EOGT: variants seen among roughly 807,000 people sequenced by gnomAD.
EOGT encodes the protein EGF domain specific O-linked N-acetylglucosamine transferase.
Under a neutral mutation model 70.5 loss-of-function variants are expected in EOGT, and 55 were observed. The ratio of observed to expected loss-of-function variants is 0.78; its 90% CI spans 0.63 to 0.98. EOGT has a LOEUF of 0.98. EOGT is among the 50% of genes least tolerant of loss of function. The pLI, the probability that EOGT is intolerant of heterozygous loss-of-function variation, is 0.00. For synonymous variants in EOGT, 246 were observed against 217.1 expected (o/e 1.13, Z -1.17); for missense variants, 703 against 641.9 (o/e 1.10, Z -1.03).
At position 68,988,995 on chromosome 3, in the gene EOGT, A is replaced by G; in HGVS notation, c.854T>C (p.Leu285Pro). The G allele has an allele frequency of 6.5e-7, 1 of 1,530,094 alleles. No homozygotes were observed. Among genetic ancestry groups the G allele is most frequent in the Non-Finnish European group, 8.7e-7 (1 of 1,142,976 alleles). 94.8% of individuals were successfully genotyped at this position (1,530,094 alleles called of 1,614,324 possible). A position where few individuals can be genotyped will look rare whatever the true frequency, so the allele number is the denominator to read the frequency against. Residue 285 changes from leucine (L) to proline (P), a missense_variant, in exon 11 of 18, where the codon CTA becomes CCA. Transcript: ENST00000383701. ...WDTSSYGYGDLFSDTWNAFTD... is the reference protein window; with the variant it reads ...WDTSSYGYGDPFSDTWNAFTD... ...AAATGCATTCCATGTGTCGGAGAAT[A>G]GGTCACCATATCCGTAAGAACTCTG...
At chr3:68,990,770 CACT>C (rs2090972279) in intron 10 of EOGT, among the ~76,000 whole-genome samples, 1 of 152,046 alleles carries the variant, frequency 6.6e-6, no homozygotes, top group Admixed American at 6.5e-5. Context: ...TGCATTGTAG[CACT>C]ACATTCAAGC....
chr3:68,977,407 C>G lies in EOGT; in HGVS notation c.*211G>C. On this transcript the variant is annotated 3_prime_UTR_variant, in exon 18 of 18. Transcript: ENST00000383701. The stretch of plus-strand genomic sequence containing the variant: ...TTTGAACTATAAAAAGTTTTCAGTG[C>G]AAAATTATTGCTATTGATAAATAGC... 1 of 486,232 alleles carries G rather than the reference C, an allele frequency of 2.1e-6. No homozygotes were observed. Among genetic ancestry groups the G allele is most frequent in the Non-Finnish European group, 3.5e-6 (1 of 283,812 alleles). 30.1% of individuals were successfully genotyped at this position (486,232 alleles called of 1,614,324 possible). A position where few individuals can be genotyped will look rare whatever the true frequency, so the allele number is the denominator to read the frequency against.
chr3:69,011,100 C>A (rs2091562344), intron 3 of EOGT, among the ~76,000 whole-genome samples: 1 of 151,624 alleles, frequency 6.6e-6, no homozygotes, highest in Admixed American at 6.6e-5. Context: ...TCTAATTCAC[C>A]CAGTAAGTGT....
chr3:68,998,031 A>T lies in EOGT; in HGVS notation c.811T>A (p.Tyr271Asn), dbSNP rs147925370. Residue 271 changes from tyrosine to asparagine, a missense_variant, in exon 10 of 18, where the codon TAC (tyrosine) becomes AAC (asparagine). Physicochemically the swap from Tyr to Asn is moderately radical, Grantham distance 143. Coordinates refer to ENST00000383701, the MANE Select transcript of EOGT (RefSeq NM_001278689.2). Reference sequence around the variant, plus strand: ...CTTACGGTGTCCCACATCACGATGTACACGTCAGTACTGAATGAGTTATTA... The same window carrying T: ...CTTACGGTGTCCCACATCACGATGTTCACGTCAGTACTGAATGAGTTATTA... Reference protein sequence around the residue: ...HVNNSFSTDVYIVMWDTSSYG... With the variant: ...HVNNSFSTDVNIVMWDTSSYG... 20 of 1,570,330 alleles carry T rather than the reference A, an allele frequency of 1.3e-5. No homozygotes were observed. The highest frequency in any genetic ancestry group is 1.6e-5 in the Non-Finnish European group (19 of 1,154,916).
chr3:68,998,227 G>T (rs2091204632), intron 9 of EOGT, 113 bp from the exon 10 acceptor site: 3 of 644,384 alleles, frequency 4.7e-6, no homozygotes, highest in Non-Finnish European at 8.1e-6. Flanking sequence ...TAAATAAATG[G>T]GGAAAAAAAT....
At chr3:68,984,912 T>A (rs978848176) in intron 14 of EOGT, among the ~76,000 whole-genome samples, 11 of 152,284 alleles carry the variant, frequency 7.2e-5, no homozygotes, top group African/African-American at 2.6e-4. Flanking sequence ...AGTAGCACAC[T>A]CTGGCTAAGA....
In EOGT at chr3:68,985,672, G is replaced by C. The variant is rs578003275; in HGVS notation, c.1152+1773C>G. 4.6e-5 allele frequency among the ~76,000 whole-genome samples: 7 copies of C among 152,208 alleles called. No homozygotes were observed. In the South Asian group the frequency reaches 1.5e-3, roughly 32 times the overall value. On this transcript the variant is annotated intron_variant, in intron 14 of 17. Transcript: ENST00000383701. ...ATGTCATCTCTACTGTCATCACTTT[G>C]GCTAAACACTCTCCCCTGGGCCACA...
intron 14 of EOGT, 123 bp downstream of exon 14, chr3:68,987,322 A>T (rs2090839516): frequency 2.6e-6 from 2 of 762,648 alleles, no homozygotes; most frequent in Admixed American, 2.6e-5. Flanking sequence ...GGCATAGGCC[A>T]TCAAACTTTT....
At position 68,983,618 on chromosome 3, in the gene EOGT, T is replaced by C. The variant is rs548580751; in HGVS notation, c.1153-746A>G. Reference sequence around the variant, plus strand: ...TATCATTGATGGGGCATGTAAATGGTGCTGGCATTTCTAAGAGTGTCGTTA... The same window carrying C: ...TATCATTGATGGGGCATGTAAATGGCGCTGGCATTTCTAAGAGTGTCGTTA... On this transcript the variant is annotated intron_variant, in intron 14 of 17. Coordinates refer to ENST00000383701, the MANE Select transcript of EOGT (RefSeq NM_001278689.2). Among the ~76,000 whole-genome samples, 4 of 152,320 alleles carry C rather than the reference T, an allele frequency of 2.6e-5. No individual in the cohort carries two copies. In the South Asian group the frequency reaches 8.3e-4, roughly 32 times the overall value.
At chr3:69,008,331 A>G (rs920571485) in intron 5 of EOGT, 97 bp downstream of exon 5, 24 of 841,492 alleles carry the variant, frequency 2.9e-5, no homozygotes, top group Admixed American at 2.8e-4. Context: ...ATGAATTACT[A>G]TCTAAAACCA....
intron 14 of EOGT, 43 bp downstream of exon 14, chr3:68,987,402 G>T: frequency 4.8e-6 from 6 of 1,252,272 alleles, no homozygotes; most frequent in Non-Finnish European, 6.9e-6. Flanking sequence ...TTTGCTCTAT[G>T]AATTGAATAT....
chr3:69,005,476 T>C (rs2091416994), intron 6 of EOGT, among the ~76,000 whole-genome samples: 1 of 152,126 alleles, frequency 6.6e-6, no homozygotes, highest in Non-Finnish European at 1.5e-5. Flanking sequence ...CCCAACGATC[T>C]GTCACCTCAA....
chr3:68,990,629 C>T (rs549949672), intron 10 of EOGT, among the ~76,000 whole-genome samples: 111 of 152,202 alleles, frequency 7.3e-4, no homozygotes, highest in South Asian at 1.9e-3. Flanking sequence ...GCTGAGATTA[C>T]AGAAACCACA....
At chr3:68,980,448 G>C (rs1029606494) in intron 15 of EOGT, among the ~76,000 whole-genome samples, 2 of 152,164 alleles carry the variant, frequency 1.3e-5, no homozygotes, top group African/African-American at 4.8e-5. Context: ...ACACTAACCA[G>C]TGTGTAAACT....
intron 4 of EOGT, 66 bp downstream of exon 4, chr3:69,009,571 G>C (rs908215794): frequency 7.8e-7 from 1 of 1,281,196 alleles, no homozygotes; most frequent in African/African-American, 1.5e-5. Flanking sequence ...AGGTTATAAA[G>C]CAGAACCTGT....
chr3:68,977,568 G>C lies in EOGT; in HGVS notation c.*50C>G. 1 of 1,573,488 alleles carries C rather than the reference G, an allele frequency of 6.4e-7. No individual in the cohort carries two copies. Among genetic ancestry groups the C allele is most frequent in the Non-Finnish European group, 8.7e-7 (1 of 1,152,650 alleles). On this transcript the variant is annotated 3_prime_UTR_variant, in exon 18 of 18. Coordinates refer to ENST00000383701, the MANE Select transcript of EOGT (RefSeq NM_001278689.2). ...GCTTTACTGATTTAATTCTAAGTCT[G>C]GGTGTTGGAGTGTTTAAACACTCTC...
intron 15 of EOGT, among the ~76,000 whole-genome samples, chr3:68,982,439 G>C (rs2090674951): frequency 1.3e-5 from 2 of 152,128 alleles, no homozygotes; most frequent in South Asian, 2.1e-4. Context: ...AGAATTACTT[G>C]AACCCAGGAG....
rs114362165 is a variant in EOGT at position 68,983,462 on chromosome 3, A to C, written c.1153-590T>G. Among the ~76,000 whole-genome samples the C allele has an allele frequency of 5.1e-3, 776 of 152,350 alleles. 6 individuals carry two copies. The highest frequency in any genetic ancestry group is 0.018 in the African/African-American group (759 of 41,582). ...AAAGCATTGTTAATCTATTATCAAA[A>C]ATATAGTCATGGTTCTCTGTCCCTC... is the stretch of plus-strand genomic sequence containing the variant. On this transcript the variant is annotated intron_variant, in intron 14 of 17. Coordinates refer to ENST00000383701, the MANE Select transcript of EOGT (RefSeq NM_001278689.2).
intron 14 of EOGT, among the ~76,000 whole-genome samples, chr3:68,984,879 T>G (rs1484407759): frequency 6.6e-6 from 1 of 152,150 alleles, no homozygotes; most frequent in Non-Finnish European, 1.5e-5. Context: ...CTGCCTCCTC[T>G]GAAATCTATT....
Sources: allele counts gnomAD v4.1 joint callset (sites outside exome capture counted in the v4.1 genomes callset), GRCh38; gene constraint gnomAD v4.1.1; transcripts MANE v1.5; gene names NCBI Gene and HGNC (gene_info 2026-07-23, HGNC 2026-07-21).